Variants in SHISA9 observed in about 807,000 individuals in gnomAD.
SHISA9 encodes the protein protein shisa-9.
In SHISA9, 13 loss-of-function variants were observed where a neutral mutation model predicts 38.0. The observed-to-expected ratio is 0.34, with a 90% CI of 0.22 to 0.54. The LOEUF (loss-of-function observed/expected upper bound fraction) is 0.54. SHISA9 is among the 20% of genes least tolerant of loss of function. The pLI, the probability that SHISA9 is intolerant of heterozygous loss-of-function variation, is 0.91. For synonymous variants in SHISA9, 275 were observed against 242.0 expected (o/e 1.14, Z -1.27); for missense variants, 538 against 575.8 (o/e 0.93, Z 0.67).
the SHISA9 span, among the ~76,000 whole-genome samples, chr16:13,525,123 GT>G: frequency 6.6e-6 from 1 of 152,158 alleles, no homozygotes; most frequent in African/African-American, 2.4e-5. Flanking sequence ...TTTCCAAGAC[GT>G]TGATTTTAGG....
intron 2 of SHISA9, among the ~76,000 whole-genome samples, chr16:12,981,995 C>T (rs144701566): frequency 6.6e-6 from 1 of 152,316 alleles, no homozygotes; most frequent in East Asian, 1.9e-4. Context: ...ATTTAAGCCA[C>T]CCAGTCTGTG....
At chr16:13,059,104 C>T (rs1164783427) in intron 2 of SHISA9, among the ~76,000 whole-genome samples, 1 of 149,280 alleles carries the variant, frequency 6.7e-6, no homozygotes, top group Non-Finnish European at 1.5e-5. Context: ...TATTCTTTGC[C>T]TCTGTAAAAA....
At chr16:13,196,063 G>C (rs185894412) in intron 2 of SHISA9, among the ~76,000 whole-genome samples, 2,556 of 135,728 alleles carry the variant, frequency 0.019, 39 homozygotes, top group Non-Finnish European at 0.03. Flanking sequence ...ACTCCAGCCT[G>C]GGGGACAGAG....
the SHISA9 span, among the ~76,000 whole-genome samples, chr16:13,476,738 G>GT: frequency 0.027 from 1,741 of 65,152 alleles, 444 homozygotes; most frequent in Non-Finnish European, 0.042. Flanking sequence ...CCTGTTTTGT[G>GT]TTTTTTTTTT....
intron 3 of SHISA9, among the ~76,000 whole-genome samples, chr16:13,205,220 T>C (rs1328204684): frequency 6.6e-6 from 1 of 152,228 alleles, no homozygotes; most frequent in Non-Finnish European, 1.5e-5. Flanking sequence ...CTGTTTCTAG[T>C]GTGAAGCCAG....
chr16:13,247,709 A>G, the SHISA9 span, among the ~76,000 whole-genome samples: 10 of 152,234 alleles, frequency 6.6e-5, no homozygotes, highest in Non-Finnish European at 1.2e-4. Flanking sequence ...CAAAGAAAGC[A>G]TTTCCCATCA....
intron 2 of SHISA9, among the ~76,000 whole-genome samples, chr16:13,039,800 G>A (rs546702338): frequency 9.2e-5 from 14 of 152,132 alleles, no homozygotes; most frequent in Non-Finnish European, 1.5e-4. Context: ...GAAGGAACAC[G>A]AGGGTTCTGA....
chr16:12,945,828 G>T (rs905810675), intron 2 of SHISA9, among the ~76,000 whole-genome samples: 2 of 152,214 alleles, frequency 1.3e-5, no homozygotes, highest in African/African-American at 4.8e-5. Flanking sequence ...AGGTGTGGTG[G>T]CTCACACATC....
At chr16:13,061,596 G>A (rs2073376676) in intron 2 of SHISA9, among the ~76,000 whole-genome samples, 2 of 152,130 alleles carry the variant, frequency 1.3e-5, no homozygotes, top group Admixed American at 1.3e-4. Flanking sequence ...ATGTATTGAG[G>A]ACCTAGTATA....
At chr16:13,501,815 A>T in the SHISA9 span, among the ~76,000 whole-genome samples, 3 of 152,164 alleles carry the variant, frequency 2.0e-5, no homozygotes, top group Non-Finnish European at 4.4e-5. Context: ...CAGCCTGACC[A>T]ATGTGGTGAA....
intron 2 of SHISA9, among the ~76,000 whole-genome samples, chr16:13,192,905 G>A (rs751946790): frequency 5.9e-5 from 9 of 151,294 alleles, no homozygotes; most frequent in Admixed American, 2.0e-4. Context: ...AAAGAAGGAG[G>A]AGGAGGAGAA....
chr16:13,554,295 A>AT, the SHISA9 span, among the ~76,000 whole-genome samples: 1 of 115,064 alleles, frequency 8.7e-6, no homozygotes, highest in East Asian at 4.6e-4. Flanking sequence ...GTTGCTAGAG[A>AT]TTAAAAAAAA....
At chr16:13,519,462 A>G in the SHISA9 span, among the ~76,000 whole-genome samples, 93,475 of 151,974 alleles carry the variant, frequency 0.62, 28,867 homozygotes, top group Admixed American at 0.72. Context: ...CATAAATGCC[A>G]TTGCCAAAAT....
intron 2 of SHISA9, among the ~76,000 whole-genome samples, chr16:13,110,529 T>C (rs1427751965): frequency 6.6e-6 from 1 of 152,176 alleles, no homozygotes; most frequent in African/African-American, 2.4e-5. Flanking sequence ...TGAGAAATGG[T>C]CCCTTTTCAG....
chr16:13,348,740 T>A, the SHISA9 span, among the ~76,000 whole-genome samples: 1 of 151,974 alleles, frequency 6.6e-6, no homozygotes, highest in African/African-American at 2.4e-5. Flanking sequence ...GGAAGTGGGA[T>A]CCTGTAGGAC....
intron 2 of SHISA9, among the ~76,000 whole-genome samples, chr16:13,162,933 T>C (rs1410095319): frequency 6.6e-6 from 1 of 152,158 alleles, no homozygotes; most frequent in Non-Finnish European, 1.5e-5. Context: ...TTCTTCTTAG[T>C]CCTAATTCTT....
chr16:13,021,082 C>G (rs1373872694), intron 2 of SHISA9, among the ~76,000 whole-genome samples: 1 of 152,188 alleles, frequency 6.6e-6, no homozygotes, highest in Non-Finnish European at 1.5e-5. Context: ...GGCTATTCAA[C>G]TTTATGGACG....
Position 12,977,466 on chromosome 16 carries a change from G to C in SHISA9, c.691+60651G>C, listed in dbSNP as rs1440254702. On this transcript the variant is annotated intron_variant, in intron 2 of 4. Transcript: ENST00000558583. ...TTTGACCCAGCAATCCCATTACTGG[G>C]TATATACCCAAAGGAATAGAAATCA... 1.3e-5 allele frequency among the ~76,000 whole-genome samples: 2 copies of C among 152,106 alleles called. 1 individual carries two copies. The highest frequency in any genetic ancestry group is 2.9e-5 in the Non-Finnish European group (2 of 68,028).
At chr16:13,104,918 T>C (rs1458999559) in intron 2 of SHISA9, among the ~76,000 whole-genome samples, 5 of 152,212 alleles carry the variant, frequency 3.3e-5, no homozygotes, top group African/African-American at 1.2e-4. Context: ...AATTGCTTAA[T>C]AGCTTCCTCT....
Sources: allele counts gnomAD v4.1 joint callset (sites outside exome capture counted in the v4.1 genomes callset), GRCh38; gene constraint gnomAD v4.1.1; transcripts MANE v1.5; gene names NCBI Gene and HGNC (gene_info 2026-07-23, HGNC 2026-07-21).